CDKL5: variants seen among roughly 807,000 people sequenced by gnomAD.
CDKL5 encodes cyclin dependent kinase like 5, also known as cyclin-dependent kinase-like 5.
Under a neutral mutation model 61.7 loss-of-function variants are expected in CDKL5, and 8 were observed. The observed-to-expected ratio is 0.13, with a 90% CI of 0.08 to 0.23. The LOEUF is 0.23. Ranked by LOEUF, CDKL5 falls within the 10% of genes least tolerant of loss-of-function variation. The probability of loss-of-function intolerance (pLI) is 1.00; values close to 1 mark genes in which losing one functional copy is unlikely to be tolerated. For synonymous variants in CDKL5, 275 were observed against 272.3 expected, an observed-to-expected ratio of 1.01 and a Z score of -0.10; for missense variants, 440 against 734.5, an observed-to-expected ratio of 0.60 and a Z score of 4.63.
chrX:18,512,024 C>T (rs2147096255), intron 3 of CDKL5, among the ~76,000 whole-genome samples: 1 of 111,343 alleles, frequency 9.0e-6, no homozygotes, highest in South Asian at 3.7e-4. Context: ...TGAAATGAAC[C>T]TTACTAGAAA....
chrX:18,568,717 AG>A (rs1443628898), intron 4 of CDKL5, among the ~76,000 whole-genome samples: 11 of 110,095 alleles, frequency 1.0e-4, no homozygotes, highest in African/African-American at 3.6e-4. Flanking sequence ...TGTGTGTGAC[AG>A]GGTCTTGCTT....
intron 1 of CDKL5, among the ~76,000 whole-genome samples, chrX:18,506,124 C>T (rs1483284868): frequency 8.9e-6 from 1 of 112,532 alleles, no homozygotes; most frequent in African/African-American, 3.2e-5. Flanking sequence ...CAGTGGGAGT[C>T]ACATCAGTCT....
chrX:18,611,113 T>C (rs990769645), intron 14 of CDKL5, among the ~76,000 whole-genome samples: 3 of 111,708 alleles, frequency 2.7e-5, no homozygotes, highest in Non-Finnish European at 5.6e-5. Flanking sequence ...CCATTTTTCC[T>C]GATACCATGA....
At chrX:18,561,303 G>A (rs1924797068) in intron 3 of CDKL5, among the ~76,000 whole-genome samples, 1 of 110,985 alleles carries the variant, frequency 9.0e-6, no homozygotes, top group Non-Finnish European at 1.9e-5. Context: ...TTGAAAAATA[G>A]GACACTTTGT....
chrX:18,452,215 A>C (rs1179202322), intron 1 of CDKL5, among the ~76,000 whole-genome samples: 1 of 111,741 alleles, frequency 8.9e-6, no homozygotes, highest in Non-Finnish European at 1.9e-5. Flanking sequence ...TTCATAATAT[A>C]CAAACTTTAA....
At chrX:18,613,306 T>G in intron 15 of CDKL5, 31 bp downstream of exon 15, 1 of 1,153,979 alleles carries the variant, frequency 8.7e-7, no homozygotes, top group Non-Finnish European at 1.2e-6. Flanking sequence ...TTACTCTTCC[T>G]TTTTTTAATT....
At chrX:18,653,390 T>C (rs1263852916) in intron 21 of CDKL5, 1 of 1,203,240 alleles carries the variant, frequency 8.3e-7, no homozygotes, top group Non-Finnish European at 1.1e-6. Context: ...CTAGCGCTCC[T>C]GGCAGCTCTG....
chrX:18,652,673 A>G (rs1928104764), intron 21 of CDKL5, among the ~76,000 whole-genome samples: 1 of 111,549 alleles, frequency 9.0e-6, no homozygotes, highest in Non-Finnish European at 1.9e-5. Flanking sequence ...CATTTCAAAA[A>G]AAAAAACTAA....
At chrX:18,585,101 A>G (rs914171259) in intron 8 of CDKL5, among the ~76,000 whole-genome samples, 1 of 112,126 alleles carries the variant, frequency 8.9e-6, no homozygotes, top group Non-Finnish European at 1.9e-5. Flanking sequence ...CATAGAGTAA[A>G]TATTGAACCA....
intron 3 of CDKL5, among the ~76,000 whole-genome samples, chrX:18,523,708 G>A (rs1923333745): frequency 9.0e-6 from 1 of 110,878 alleles, no homozygotes; most frequent in Non-Finnish European, 1.9e-5. Context: ...ATATGTGGGG[G>A]GAGAATGTAC....
chrX:18,564,524 TAG>T lies in CDKL5; in HGVS notation c.145+4_145+5del. The T allele has an allele frequency of 1.3e-6, 1 of 782,486 alleles. No homozygotes were observed. The highest frequency in any genetic ancestry group is 2.5e-5 in the Admixed American group (1 of 39,614). 64.5% of individuals were successfully genotyped at this position (782,486 alleles called of 1,213,427 possible). A position where few individuals can be genotyped will look rare whatever the true frequency, so the allele number is the denominator to read the frequency against. On this transcript the variant is annotated splice_donor_region_variant and intron_variant, in intron 4 of 17. Coordinates refer to ENST00000623535, the MANE Select transcript of CDKL5 (RefSeq NM_001323289.2). ...TCAAGAAATTCAAGGACAGTGAAGG[TAG>T]ATATATATATATATATATATATATC...
intron 16 of CDKL5, among the ~76,000 whole-genome samples, chrX:18,620,231 C>A (rs1926849687): frequency 8.9e-6 from 1 of 112,318 alleles, no homozygotes; most frequent in Admixed American, 9.4e-5. Context: ...TACTTCTTAT[C>A]TATGTGGGCT....
chrX:18,470,882 C>T (rs1243092224), intron 1 of CDKL5, among the ~76,000 whole-genome samples: 2 of 112,068 alleles, frequency 1.8e-5, no homozygotes, highest in African/African-American at 3.2e-5. Context: ...GTTGTTGGGT[C>T]TTGCTCTACT....
At chrX:18,484,345 C>T (rs752533523) in intron 1 of CDKL5, among the ~76,000 whole-genome samples, 2 of 109,808 alleles carry the variant, frequency 1.8e-5, no homozygotes, top group East Asian at 2.9e-4. Context: ...GGGACAGTCT[C>T]GCCCTGTCGC....
At chrX:18,645,901 C>G in intron 19 of CDKL5, 1 of 1,170,816 alleles carries the variant, frequency 8.5e-7, no homozygotes, top group Non-Finnish European at 1.2e-6. Context: ...CCTAACCAAA[C>G]TCTGGTCAAT....
At chrX:18,465,386 C>T (rs947075561) in intron 1 of CDKL5, among the ~76,000 whole-genome samples, 15 of 111,699 alleles carry the variant, frequency 1.3e-4, no homozygotes, top group East Asian at 2.8e-4. Context: ...AATCTTCTGC[C>T]GGGCATGGTG....
At chrX:18,448,955 A>G (rs1441091454) in intron 1 of CDKL5, among the ~76,000 whole-genome samples, 1 of 111,915 alleles carries the variant, frequency 8.9e-6, no homozygotes, top group Non-Finnish European at 1.9e-5. Context: ...TCCTGGGTTC[A>G]AGCAATTCTC....
At chrX:18,455,322 C>A (rs1932118322) in intron 1 of CDKL5, among the ~76,000 whole-genome samples, 1 of 112,233 alleles carries the variant, frequency 8.9e-6, no homozygotes, top group Non-Finnish European at 1.9e-5. Context: ...ACAAAATTGG[C>A]ACTTTCTTGT....
In CDKL5 at chrX:18,559,240, C is replaced by T. The variant is rs770237268; in HGVS notation, c.100-5237C>T. The stretch of plus-strand genomic sequence containing the variant: ...TTTTGTTTTTTGGGAGATGGAGTCT[C>T]GCTCTGTCATCACGCTGGAGTGCAG... On this transcript the variant is annotated intron_variant, in intron 3 of 17. Transcript: ENST00000623535. Among the ~76,000 whole-genome samples the T allele has an allele frequency of 9.8e-5, 11 of 111,984 alleles. No homozygotes were observed. The South Asian group carries it at 3.3e-3, about 34-fold the overall frequency.
Sources: gnomAD v4.1 joint callset for allele counts (sites outside exome capture counted in the v4.1 genomes callset) on GRCh38, gnomAD v4.1.1 for gene constraint, MANE v1.5 for transcripts, NCBI Gene and HGNC (gene_info 2026-07-23, HGNC 2026-07-21) for gene names.